Variants in FHIT observed in about 807,000 individuals in gnomAD.
FHIT encodes bis(5'-adenosyl)-triphosphatase.
A neutral mutation model predicts 17.9 loss-of-function variants in FHIT; 19 were observed. The ratio of observed to expected loss-of-function variants is 1.06; its 90% CI spans 0.74 to 1.56. The LOEUF is 1.56. Among genes scored for constraint, FHIT ranks in the 40% most tolerant of loss-of-function variants. FHIT has a pLI of 0.00. For synonymous variants in FHIT, 81 were observed against 69.7 expected, an observed-to-expected ratio of 1.16 and a Z score of -0.81; for missense variants, 248 against 189.2, an observed-to-expected ratio of 1.31 and a Z score of -1.82.
At chr3:60,744,258 C>G (rs13315117) in intron 4 of FHIT, among the ~76,000 whole-genome samples, 1 of 95,642 alleles carries the variant, frequency 1.0e-5, no homozygotes, top group Non-Finnish European at 2.1e-5. Flanking sequence ...AAAAAAAAAA[C>G]AAAACAAAAC....
At chr3:60,606,567 G>A (rs942187985) in intron 4 of FHIT, among the ~76,000 whole-genome samples, 1 of 152,020 alleles carries the variant, frequency 6.6e-6, no homozygotes, top group African/African-American at 2.4e-5. Context: ...TTCACTTTTA[G>A]GGACTTTTCT....
At chr3:60,869,536 C>T (rs573019798) in intron 3 of FHIT, among the ~76,000 whole-genome samples, 3 of 152,302 alleles carry the variant, frequency 2.0e-5, no homozygotes, top group Admixed American at 6.5e-5. Flanking sequence ...CTGCATATCT[C>T]TGAATTCCAA....
intron 3 of FHIT, among the ~76,000 whole-genome samples, chr3:60,830,022 A>G (rs888093868): frequency 2.0e-5 from 3 of 152,128 alleles, no homozygotes; most frequent in South Asian, 2.1e-4. Context: ...AATCTGCATA[A>G]CAAACCTTAC....
chr3:60,278,577 T>G (rs938162937), intron 5 of FHIT, among the ~76,000 whole-genome samples: 1 of 152,078 alleles, frequency 6.6e-6, no homozygotes, highest in Non-Finnish European at 1.5e-5. Context: ...ACACAGACTC[T>G]ATTGAATAAG....
chr3:60,298,193 C>T (rs1385010360), intron 5 of FHIT, among the ~76,000 whole-genome samples: 1 of 152,034 alleles, frequency 6.6e-6, no homozygotes, highest in Non-Finnish European at 1.5e-5. Context: ...TATGAAGCTT[C>T]ATTTCTTATG....
At chr3:59,758,321 G>A (rs1701322680) in intron 8 of FHIT, among the ~76,000 whole-genome samples, 1 of 152,156 alleles carries the variant, frequency 6.6e-6, no homozygotes, top group Non-Finnish European at 1.5e-5. Flanking sequence ...GATGAATCCT[G>A]ACCTGGCTTC....
chr3:59,789,734 A>C (rs1699470502), intron 8 of FHIT, among the ~76,000 whole-genome samples: 1 of 152,146 alleles, frequency 6.6e-6, no homozygotes, highest in South Asian at 2.1e-4. Flanking sequence ...AAAATTATGA[A>C]TCTAGTTTTC....
intron 4 of FHIT, among the ~76,000 whole-genome samples, chr3:60,553,698 T>A (rs920189789): frequency 3.9e-5 from 6 of 151,900 alleles, no homozygotes; most frequent in African/African-American, 1.5e-4. Flanking sequence ...AGAACTACTT[T>A]TGTCACTTTA....
chr3:59,826,338 T>C (rs182853189), intron 8 of FHIT, among the ~76,000 whole-genome samples: 133 of 152,332 alleles, frequency 8.7e-4, no homozygotes, highest in African/African-American at 2.9e-3. Context: ...TTTAAAATTG[T>C]AATATAGTTC....
intron 5 of FHIT, among the ~76,000 whole-genome samples, chr3:60,043,965 T>G (rs945219498): frequency 4.6e-5 from 7 of 152,232 alleles, no homozygotes; most frequent in Non-Finnish European, 2.9e-5. Context: ...TGGTGAGTGA[T>G]ATTTGAACAT....
chr3:60,582,513 T>C (rs911309534), intron 4 of FHIT, among the ~76,000 whole-genome samples: 14 of 152,062 alleles, frequency 9.2e-5, no homozygotes, highest in East Asian at 1.9e-4. Flanking sequence ...TGGGAAGAAA[T>C]GAATGCGGAT....
intron 4 of FHIT, among the ~76,000 whole-genome samples, chr3:60,798,311 T>C (rs1452323068): frequency 6.6e-6 from 1 of 152,150 alleles, no homozygotes; most frequent in African/African-American, 2.4e-5. Flanking sequence ...GGAATAAATA[T>C]ATAATAATTT....
At position 61,174,856 on chromosome 3, in the gene FHIT, T is replaced by C. The variant is rs1042663174; in HGVS notation, c.-164+25761A>G. ...ACTTGCAATGGGATACTTGTGAGGG[T>C]ACCATTATCCAAACTGTCCTATTCA... On this transcript the variant is annotated intron_variant, in intron 2 of 9. Coordinates refer to ENST00000492590, the MANE Select transcript of FHIT (RefSeq NM_002012.4). Among the ~76,000 whole-genome samples the C allele has an allele frequency of 3.9e-5, 6 of 152,212 alleles. No individual in the cohort carries two copies. In the East Asian group the frequency reaches 1.2e-3, roughly 29 times the overall value.
chr3:60,474,615 A>C (rs2033252658), intron 5 of FHIT, among the ~76,000 whole-genome samples: 1 of 151,828 alleles, frequency 6.6e-6, no homozygotes, highest in Non-Finnish European at 1.5e-5. Flanking sequence ...TATTATTTTC[A>C]ACACAATACA....
At chr3:60,503,800 G>A (rs1488448029) in intron 5 of FHIT, among the ~76,000 whole-genome samples, 1 of 152,232 alleles carries the variant, frequency 6.6e-6, no homozygotes, top group African/African-American at 2.4e-5. Flanking sequence ...CTGTTTTGGA[G>A]AAGATGGAAG....
intron 4 of FHIT, among the ~76,000 whole-genome samples, chr3:60,788,886 A>ATGTT (rs782464627): frequency 6.6e-6 from 1 of 152,022 alleles, no homozygotes; most frequent in Non-Finnish European, 1.5e-5. Flanking sequence ...TTTACTTCAA[A>ATGTT]TGTTTTACAT....
intron 4 of FHIT, among the ~76,000 whole-genome samples, chr3:60,627,884 T>G (rs781954900): frequency 2.5e-4 from 38 of 152,202 alleles, no homozygotes; most frequent in Non-Finnish European, 4.6e-4. Flanking sequence ...GCTTAGTCAG[T>G]CTAGGTAAAG....
At chr3:60,652,690 T>C (rs2107809472) in intron 4 of FHIT, among the ~76,000 whole-genome samples, 1 of 134,454 alleles carries the variant, frequency 7.4e-6, no homozygotes, top group East Asian at 2.1e-4. Context: ...ATTGTGCCAC[T>C]GCACTCCAGC....
At chr3:59,789,383 C>A (rs377316032) in intron 8 of FHIT, among the ~76,000 whole-genome samples, 53 of 152,236 alleles carry the variant, frequency 3.5e-4, no homozygotes, top group African/African-American at 1.2e-3. Context: ...AAAATGGTTT[C>A]TACTGACTAA....
Sources: allele counts gnomAD v4.1 joint callset (sites outside exome capture counted in the v4.1 genomes callset), GRCh38; gene constraint gnomAD v4.1.1; transcripts MANE v1.5; gene names NCBI Gene and HGNC (gene_info 2026-07-23, HGNC 2026-07-21).